Variants in CSMD1 observed in about 807,000 individuals in gnomAD.
CSMD1 encodes CUB and sushi domain-containing protein 1.
Under a neutral mutation model 417.5 loss-of-function variants are expected in CSMD1, and 213 were observed. The observed-to-expected ratio is 0.51, with a 90% CI of 0.46 to 0.57. The LOEUF (loss-of-function observed/expected upper bound fraction) is 0.57. Ranked by LOEUF, CSMD1 falls within the 20% of genes least tolerant of loss-of-function variation. CSMD1 has a pLI of 0.00. For missense variants in CSMD1, 6,923 were observed against 4,529.7 expected (o/e 1.53, Z -15.17); for synonymous variants, 2,862 against 1,736.8 (o/e 1.65, Z -16.11).
chr8:3,604,586 T>C (rs1215164291), intron 8 of CSMD1, among the ~76,000 whole-genome samples: 6 of 151,826 alleles, frequency 4.0e-5, no homozygotes, highest in African/African-American at 1.5e-4. Flanking sequence ...ATGAAATCTA[T>C]AAAGTATATA....
chr8:3,190,200 C>A, intron 33 of CSMD1, 85 bp from the exon 34 acceptor site: 1 of 951,948 alleles, frequency 1.1e-6, no homozygotes, highest in Non-Finnish European at 1.6e-6. Flanking sequence ...AAGATGGGAC[C>A]AAGGAGAGCT....
At chr8:4,114,576 T>C (rs1427407695) in intron 3 of CSMD1, among the ~76,000 whole-genome samples, 3 of 141,760 alleles carry the variant, frequency 2.1e-5, no homozygotes, top group East Asian at 4.3e-4. Context: ...CATAAGTCTA[T>C]AGCTTTCATA....
intron 4 of CSMD1, 85 bp from the exon 5 acceptor site, chr8:3,998,195 C>T: frequency 1.6e-6 from 2 of 1,229,838 alleles, no homozygotes; most frequent in African/African-American, 1.5e-5. Context: ...CACTCTTGAT[C>T]AGCGACAAAT....
intron 1 of CSMD1, among the ~76,000 whole-genome samples, chr8:4,854,552 G>A (rs1304519916): frequency 6.6e-6 from 1 of 152,186 alleles, no homozygotes; most frequent in Non-Finnish European, 1.5e-5. Flanking sequence ...GTCAGTGGGT[G>A]CGCGCACCGT....
chr8:3,301,357 G>C (rs900602404), intron 25 of CSMD1, among the ~76,000 whole-genome samples: 3 of 152,062 alleles, frequency 2.0e-5, no homozygotes, highest in African/African-American at 7.2e-5. Flanking sequence ...GTCTAAATGA[G>C]AAATGAAGCT....
intron 11 of CSMD1, among the ~76,000 whole-genome samples, chr8:3,486,206 G>T (rs986886580): frequency 6.6e-6 from 1 of 152,128 alleles, no homozygotes; most frequent in African/African-American, 2.4e-5. Context: ...TATTAAGACA[G>T]CGATGATAAC....
intron 2 of CSMD1, among the ~76,000 whole-genome samples, chr8:4,485,234 G>A (rs1312825558): frequency 1.3e-5 from 2 of 152,074 alleles, no homozygotes; most frequent in African/African-American, 2.4e-5. Context: ...CATCCCTTGA[G>A]AAAAGATGAA....
chr8:3,166,742 A>C (rs1394743247), intron 37 of CSMD1, among the ~76,000 whole-genome samples: 1 of 152,164 alleles, frequency 6.6e-6, no homozygotes, highest in Non-Finnish European at 1.5e-5. Flanking sequence ...GTATCTAGGA[A>C]GACATATACA....
intron 1 of CSMD1, among the ~76,000 whole-genome samples, chr8:4,709,474 A>G (rs896791389): frequency 6.6e-6 from 1 of 152,204 alleles, no homozygotes; most frequent in Admixed American, 6.5e-5. Context: ...ATAGGACGTA[A>G]GGAACAGGGG....
chr8:3,871,943 C>A (rs1805508799), intron 5 of CSMD1, among the ~76,000 whole-genome samples: 1 of 152,112 alleles, frequency 6.6e-6, no homozygotes, highest in Non-Finnish European at 1.5e-5. Context: ...AAAAACACAG[C>A]CTAAGTTTTG....
chr8:3,325,575 G>A (rs987476167), intron 23 of CSMD1, among the ~76,000 whole-genome samples: 7 of 152,206 alleles, frequency 4.6e-5, no homozygotes, highest in African/African-American at 1.2e-4. Flanking sequence ...TGTAATCCCA[G>A]CACTTTGGGA....
intron 1 of CSMD1, among the ~76,000 whole-genome samples, chr8:4,905,468 T>C (rs907680608): frequency 1.1e-4 from 16 of 152,202 alleles, no homozygotes; most frequent in South Asian, 4.1e-4. Flanking sequence ...GCTTTAGGCA[T>C]TCTAAAACAG....
intron 3 of CSMD1, among the ~76,000 whole-genome samples, chr8:4,062,985 G>C (rs915255641): frequency 2.0e-5 from 3 of 152,010 alleles, no homozygotes; most frequent in African/African-American, 7.2e-5. Context: ...AAGGAAATAG[G>C]TAATCCAGAC....
intron 1 of CSMD1, among the ~76,000 whole-genome samples, chr8:4,713,559 G>A (rs563965090): frequency 6.6e-6 from 1 of 151,996 alleles, no homozygotes; most frequent in South Asian, 2.1e-4. Context: ...CTGCCACCAC[G>A]CCTAGTTAAT....
chr8:3,816,350 A>G (rs1473751080), intron 5 of CSMD1, among the ~76,000 whole-genome samples: 2 of 152,224 alleles, frequency 1.3e-5, no homozygotes, highest in Admixed American at 6.5e-5. Flanking sequence ...CTGTCAGAAA[A>G]TAAGTGAGCA....
intron 3 of CSMD1, among the ~76,000 whole-genome samples, chr8:4,204,972 T>C (rs1005652235): frequency 8.5e-5 from 13 of 152,182 alleles, no homozygotes; most frequent in African/African-American, 2.9e-4. Flanking sequence ...TAAAAATTGT[T>C]TTCTTATTAT....
chr8:3,202,675 TTG>T (rs1311431143), intron 31 of CSMD1, among the ~76,000 whole-genome samples: 6 of 152,336 alleles, frequency 3.9e-5, no homozygotes, highest in Middle Eastern at 3.4e-3. Context: ...TGTGCACTAG[TTG>T]TGTGTGTCAG....
intron 1 of CSMD1, among the ~76,000 whole-genome samples, chr8:4,716,958 A>G (rs759578035): frequency 1.4e-4 from 22 of 152,310 alleles, no homozygotes; most frequent in Admixed American, 2.6e-4. Context: ...GAAACTTAGT[A>G]TAATTCCATT....
intron 2 of CSMD1, among the ~76,000 whole-genome samples, chr8:4,483,724 A>C (rs1217885216): frequency 6.6e-6 from 1 of 152,246 alleles, no homozygotes; most frequent in Non-Finnish European, 1.5e-5. Context: ...AGAAAGGTTC[A>C]AACAGTTCTA....
Sources: allele counts gnomAD v4.1 joint callset (sites outside exome capture counted in the v4.1 genomes callset), GRCh38; gene constraint gnomAD v4.1.1; transcripts MANE v1.5; gene names NCBI Gene and HGNC (gene_info 2026-07-23, HGNC 2026-07-21).